The following IGFBP4 variants were observed in gnomAD, a reference collection of about 807,000 sequenced individuals.
IGFBP4 encodes the protein insulin-like growth factor-binding protein 4.
In IGFBP4, 9 loss-of-function variants were observed where a neutral mutation model predicts 25.8. The observed-to-expected ratio is 0.35, with a 90% CI of 0.21 to 0.61. The LOEUF (loss-of-function observed/expected upper bound fraction) is 0.61. Among genes scored for constraint, IGFBP4 ranks in the 20% least tolerant of loss-of-function variants. The pLI is 0.77. For missense variants in IGFBP4, 315 were observed against 365.3 expected (o/e 0.86, Z 1.12); for synonymous variants, 153 against 153.9 (o/e 0.99, Z 0.05).
At chr17:40,451,042 C>G (rs1167732593) in intron 1 of IGFBP4, among the ~76,000 whole-genome samples, 1 of 152,132 alleles carries the variant, frequency 6.6e-6, no homozygotes, top group African/African-American at 2.4e-5. Context: ...TTCTCTGGTT[C>G]CTAACCGAGG....
chr17:40,452,648 G>T (rs2035690564), intron 1 of IGFBP4, among the ~76,000 whole-genome samples: 1 of 152,268 alleles, frequency 6.6e-6, no homozygotes. Flanking sequence ...ACAGGATCCA[G>T]CAGGGGGTCC....
Position 40,453,809 on chromosome 17 carries a change from C to A in IGFBP4, c.508-119C>A. 2 of 687,462 alleles carry A rather than the reference C, an allele frequency of 2.9e-6. No homozygotes were observed. The highest frequency in any genetic ancestry group is 3.1e-5 in the East Asian group (1 of 32,432). The allele number at this position is 687,462 out of a possible 1,614,324, so 42.6% of individuals were successfully genotyped here. On this transcript the variant is annotated intron_variant, in intron 2 of 3. Coordinates refer to ENST00000269593, the MANE Select transcript of IGFBP4 (RefSeq NM_001552.3). This position sits in a 1 kb window ranked among gnomAD's most constrained non-coding sequence, Gnocchi z 4.0. Reference sequence around the variant, plus strand: ...TCTCTTCACCTCACTGGGTCCTGCCCAGCCCCTGGGGCTCAGGCCTCCTTT... The same window carrying A: ...TCTCTTCACCTCACTGGGTCCTGCCAAGCCCCTGGGGCTCAGGCCTCCTTT...
chr17:40,449,736 G>A (rs1342883887), intron 1 of IGFBP4, among the ~76,000 whole-genome samples: 6 of 150,108 alleles, frequency 4.0e-5, no homozygotes, highest in Non-Finnish European at 5.9e-5. Context: ...GCGACAGAGC[G>A]AGACTCCGTC....
chr17:40,454,169 C>A, intron 3 of IGFBP4, 107 bp downstream of exon 3: 1 of 1,449,856 alleles, frequency 6.9e-7, no homozygotes, highest in Non-Finnish European at 9.1e-7. Context: ...GGAAACTCCT[C>A]AACCCCAACC....
chr17:40,456,646 G>A lies in IGFBP4; in HGVS notation c.*63G>A. 1 of 1,526,332 alleles carries A rather than the reference G, an allele frequency of 6.6e-7. No homozygotes were observed. The highest frequency in any genetic ancestry group is 2.3e-5 in the East Asian group (1 of 43,882). The allele number at this position is 1,526,332 out of a possible 1,614,324, so 94.5% of individuals were successfully genotyped here. A position where few individuals can be genotyped will look rare whatever the true frequency, so the allele number is the denominator to read the frequency against. On this transcript the variant is annotated 3_prime_UTR_variant, in exon 4 of 4. Coordinates refer to ENST00000269593, the MANE Select transcript of IGFBP4 (RefSeq NM_001552.3). ...ACTCCTGTGCTCTGGAGGCTGCAGA[G>A]CTGACCCAGAGTGGAGTCTGAGTCT...
At chr17:40,445,840 A>G (rs942650082) in intron 1 of IGFBP4, among the ~76,000 whole-genome samples, 1 of 152,104 alleles carries the variant, frequency 6.6e-6, no homozygotes, top group Admixed American at 6.5e-5. Flanking sequence ...CTGGCACCAG[A>G]TAAGGATGGC....
At position 40,452,884 on chromosome 17, in the gene IGFBP4, C is replaced by T. The variant is rs2035692823; in HGVS notation, c.350-101C>T. 9 of 1,017,672 alleles carry T rather than the reference C, an allele frequency of 8.8e-6. No individual in the cohort carries two copies. In the Admixed American group the frequency reaches 8.8e-5, roughly 10 times the overall value. The allele number at this position is 1,017,672 out of a possible 1,614,324, so 63.0% of individuals were successfully genotyped here. ...CCCCTGCTCTTCTCCAGCGCCAAGC[C>T]GAAGAATCCCCAGGAAGGAGAACGT... On this transcript the variant is annotated intron_variant, in intron 1 of 3. Coordinates refer to ENST00000269593, the MANE Select transcript of IGFBP4 (RefSeq NM_001552.3).
intron 3 of IGFBP4, among the ~76,000 whole-genome samples, chr17:40,454,460 A>G (rs1263983497): frequency 2.0e-5 from 3 of 152,128 alleles, no homozygotes; most frequent in African/African-American, 7.2e-5. Context: ...TCACTGAGTG[A>G]GGTTTCTTCT....
chr17:40,447,767 TCA>T (rs1159767836), intron 1 of IGFBP4, among the ~76,000 whole-genome samples: 2 of 152,180 alleles, frequency 1.3e-5, no homozygotes, highest in Non-Finnish European at 2.9e-5. Flanking sequence ...AGGACCTGCC[TCA>T]CAGGGTTGGG....
Position 40,453,198 on chromosome 17 carries a change from C to CACACA in IGFBP4, c.507+56_507+57insACACA. ...TGCATAGACACACACACACACATGCCCCCTGCCCCCCACATGCACGCACCC... is the reference window on the plus strand; with the variant it reads ...TGCATAGACACACACACACACATGCCACACACCCTGCCCCCCACATGCACGCACCC... On this transcript the variant is annotated intron_variant, in intron 2 of 3. Coordinates refer to ENST00000269593, the MANE Select transcript of IGFBP4 (RefSeq NM_001552.3). The surrounding 1 kb of genome is among the most constrained non-coding windows in gnomAD (Gnocchi z 4.0). 5.1e-6 allele frequency: 5 copies of CACACA among 985,268 alleles called. No homozygotes were observed. The highest frequency in any genetic ancestry group is 7.0e-6 in the Non-Finnish European group (5 of 711,480). The allele number at this position is 985,268 out of a possible 1,614,324, so 61.0% of individuals were successfully genotyped here. A position where few individuals can be genotyped will look rare whatever the true frequency, so the allele number is the denominator to read the frequency against.
Position 40,453,414 on chromosome 17 carries a change from A to G in IGFBP4, c.507+272A>G, listed in dbSNP as rs2035697326. Among the ~76,000 whole-genome samples, 1 of 152,012 alleles carries G rather than the reference A, an allele frequency of 6.6e-6. No individual in the cohort carries two copies. Among genetic ancestry groups the G allele is most frequent in the East Asian group, 1.9e-4 (1 of 5,176 alleles). On this transcript the variant is annotated intron_variant, in intron 2 of 3. Transcript: ENST00000269593. This position sits in a 1 kb window ranked among gnomAD's most constrained non-coding sequence, Gnocchi z 4.0. Reference sequence around the variant, plus strand: ...GCTTAAGTGATTATTAAATACTGAAAAACTTCTATACCAATTGGTAAAAAG... The same window carrying G: ...GCTTAAGTGATTATTAAATACTGAAGAACTTCTATACCAATTGGTAAAAAG...
At chr17:40,444,381 T>G (rs2035628888) in intron 1 of IGFBP4, among the ~76,000 whole-genome samples, 3 of 151,398 alleles carry the variant, frequency 2.0e-5, no homozygotes, top group Non-Finnish European at 4.4e-5. Context: ...GGTGCAGGAG[T>G]GGCAGATTAA....
At chr17:40,448,904 G>A (rs1415040491) in intron 1 of IGFBP4, among the ~76,000 whole-genome samples, 5 of 152,216 alleles carry the variant, frequency 3.3e-5, no homozygotes, top group African/African-American at 4.8e-5. Context: ...TAAGGCACAT[G>A]TGGATGAATG....
In IGFBP4 at chr17:40,456,362, G is replaced by T; in HGVS notation, c.643-87G>T. On this transcript the variant is annotated intron_variant, in intron 3 of 3. Coordinates refer to ENST00000269593, the MANE Select transcript of IGFBP4 (RefSeq NM_001552.3). ...TTGAAGCAGCGACCGTCTGACTTGGGGGCTGGGCTGGGCTGGGATTGGGGT... is the reference window on the plus strand; with the variant it reads ...TTGAAGCAGCGACCGTCTGACTTGGTGGCTGGGCTGGGCTGGGATTGGGGT... 2.1e-6 allele frequency: 3 copies of T among 1,421,598 alleles called. No homozygotes were observed. In the South Asian group the frequency reaches 3.6e-5, roughly 17 times the overall value. 88.1% of individuals were successfully genotyped at this position (1,421,598 alleles called of 1,614,324 possible). A position where few individuals can be genotyped will look rare whatever the true frequency, so the allele number is the denominator to read the frequency against.
chr17:40,447,460 G>C (rs747301347), intron 1 of IGFBP4, among the ~76,000 whole-genome samples: 43 of 152,216 alleles, frequency 2.8e-4, no homozygotes, highest in Non-Finnish European at 5.0e-4. Context: ...GAACAGGCAG[G>C]CTGGGTTAAT....
Position 40,454,028 on chromosome 17 carries a change from A to G in IGFBP4, c.608A>G (p.Asn203Ser). The part of the protein sequence containing the change: ...HEDLYIIPIP[N>S]CDRNGNFHPK... ...GACCTCTACATCATCCCCATCCCCA[A>G]CTGCGACCGCAACGGCAACTTCCAC... The change falls in exon 3 of 4, where the codon AAC becomes AGC. Residue 203 changes from asparagine (N) to serine (S), a missense_variant. By Grantham distance (46) the Asn-to-Ser change is conservative. Transcript: ENST00000269593. 6.2e-7 allele frequency: 1 copy of G among 1,611,958 alleles called. No homozygotes were observed. The highest frequency in any genetic ancestry group is 8.5e-7 in the Non-Finnish European group (1 of 1,179,190).
intron 1 of IGFBP4, among the ~76,000 whole-genome samples, chr17:40,445,766 G>A (rs148357741): frequency 2.2e-4 from 34 of 152,268 alleles, no homozygotes; most frequent in African/African-American, 7.0e-4. Context: ...GAGCCCTTGG[G>A]TTCGCGGGGT....
chr17:40,457,703 A>G lies in IGFBP4; in HGVS notation c.*1120A>G, dbSNP rs566982349. ...TTCTTTTTCTTTTTTTTAACAAAACAGAACAAAACCAAAAAATGTCCAGAT... is the reference window on the plus strand; with the variant it reads ...TTCTTTTTCTTTTTTTTAACAAAACGGAACAAAACCAAAAAATGTCCAGAT... On this transcript the variant is annotated 3_prime_UTR_variant, in exon 4 of 4. Coordinates refer to ENST00000269593, the MANE Select transcript of IGFBP4 (RefSeq NM_001552.3). The G allele has an allele frequency of 3.0e-4, 46 of 152,288 alleles. No homozygotes were observed. The highest frequency in any genetic ancestry group is 1.1e-3 in the African/African-American group (44 of 41,528). 9.4% of individuals were successfully genotyped at this position (152,288 alleles called of 1,614,324 possible). A position where few individuals can be genotyped will look rare whatever the true frequency, so the allele number is the denominator to read the frequency against.
chr17:40,455,257 T>C (rs1008652498), intron 3 of IGFBP4, among the ~76,000 whole-genome samples: 1 of 152,162 alleles, frequency 6.6e-6, no homozygotes, highest in Non-Finnish European at 1.5e-5. Context: ...AATATTAGTA[T>C]ATTATTATTA....
Sources: allele counts gnomAD v4.1 joint callset (sites outside exome capture counted in the v4.1 genomes callset), GRCh38; gene constraint gnomAD v4.1.1; non-coding constraint Gnocchi (gnomAD v3.1); transcripts MANE v1.5; gene names NCBI Gene and HGNC (gene_info 2026-07-23, HGNC 2026-07-21).